PPP2R2B: variants seen among roughly 807,000 people sequenced by gnomAD.
The protein encoded by PPP2R2B is serine/threonine-protein phosphatase 2A 55 kDa regulatory subunit B beta isoform.
In PPP2R2B, 5 loss-of-function variants were observed where a neutral mutation model predicts 46.0. The observed-to-expected ratio is 0.11, with a 90% CI of 0.06 to 0.23. The LOEUF (loss-of-function observed/expected upper bound fraction) is 0.23, where lower values mean the gene tolerates loss of function less well. Among genes scored for constraint, PPP2R2B ranks in the 10% least tolerant of loss-of-function variants. The probability of loss-of-function intolerance (pLI) is 1.00; values close to 1 mark genes in which losing one functional copy is unlikely to be tolerated. For synonymous variants in PPP2R2B, 215 were observed against 206.7 expected, an observed-to-expected ratio of 1.04 and a Z score of -0.34; for missense variants, 367 against 575.0, an observed-to-expected ratio of 0.64 and a Z score of 3.70.
intron 9 of PPP2R2B, 40 bp downstream of exon 9, chr5:146,592,931 C>G (rs1770803165): frequency 6.4e-7 from 1 of 1,555,728 alleles, no homozygotes; most frequent in African/African-American, 1.4e-5. Flanking sequence ...CTCTTCAAGA[C>G]AATCTTTGGA....
intron 1 of PPP2R2B, among the ~76,000 whole-genome samples, chr5:146,938,219 C>T (rs777543263): frequency 6.6e-6 from 1 of 152,126 alleles, no homozygotes; most frequent in Non-Finnish European, 1.5e-5. Context: ...ACAATATAAA[C>T]TCACTATCTA....
intron 2 of PPP2R2B, among the ~76,000 whole-genome samples, chr5:146,771,267 C>T (rs1340186966): frequency 1.3e-5 from 2 of 152,164 alleles, no homozygotes; most frequent in Non-Finnish European, 2.9e-5. Flanking sequence ...CATCACTCAG[C>T]ACCAGCACAG....
At chr5:146,778,145 C>A (rs898405535) in intron 2 of PPP2R2B, among the ~76,000 whole-genome samples, 2 of 152,114 alleles carry the variant, frequency 1.3e-5, no homozygotes, top group African/African-American at 4.8e-5. Context: ...TGGGTTCCGG[C>A]ATTCCTGATA....
In PPP2R2B at chr5:146,667,328, GCGCGCACACACACACACA is replaced by G. The variant is rs1366000490; in HGVS notation, c.448-16622_448-16605del. Among the ~76,000 whole-genome samples the G allele has an allele frequency of 1.9e-3, 237 of 126,250 alleles. 2 individuals are homozygous for G. The South Asian group carries it at 0.02, about 11-fold the overall frequency. 82.8% of individuals were successfully genotyped at this position (126,250 alleles called of 152,430 possible). On this transcript the variant is annotated intron_variant, in intron 5 of 9. Coordinates refer to ENST00000394411, the MANE Select transcript of PPP2R2B (RefSeq NM_181675.4). ...GGAGAGACAGCAGGAATAGGCGTGC[GCGCGCACACACACACACA>G]CACACACACACACACACACACACAC...
chr5:146,914,042 A>G lies in PPP2R2B; in HGVS notation c.79+141623T>C, dbSNP rs532912230. Reference sequence around the variant, plus strand: ...GCAATATTAACTATGTATATATGAAATCACAACAACTATAAATATTTAATT... The same window carrying G: ...GCAATATTAACTATGTATATATGAAGTCACAACAACTATAAATATTTAATT... On this transcript the variant is annotated intron_variant, in intron 1 of 8. Transcript: ENST00000336640. Among the ~76,000 whole-genome samples the G allele has an allele frequency of 2.0e-5, 3 of 152,324 alleles. No individual in the cohort carries two copies. The South Asian group carries it at 6.2e-4, about 32-fold the overall frequency.
chr5:146,616,284 A>G (rs1244995988), intron 7 of PPP2R2B, among the ~76,000 whole-genome samples: 2 of 152,208 alleles, frequency 1.3e-5, no homozygotes, highest in East Asian at 3.8e-4. Context: ...TGAAACTACT[A>G]CAAGAAAACA....
chr5:147,025,287 C>T (rs1354969400), intron 1 of PPP2R2B, among the ~76,000 whole-genome samples: 1 of 151,816 alleles, frequency 6.6e-6, no homozygotes. Flanking sequence ...AATAAAAAAT[C>T]ATCCCCAAAA....
At chr5:146,851,701 G>C (rs1282453953) in intron 2 of PPP2R2B, among the ~76,000 whole-genome samples, 1 of 152,008 alleles carries the variant, frequency 6.6e-6, no homozygotes, top group African/African-American at 2.4e-5. Context: ...CTTTTCTAAG[G>C]AGTCACTATA....
chr5:146,656,571 A>C (rs1776344864), intron 5 of PPP2R2B: 1 of 152,032 alleles, frequency 6.6e-6, no homozygotes, highest in African/African-American at 2.4e-5. Flanking sequence ...CCACCATATT[A>C]ATGTGAACTT....
At chr5:146,651,816 C>A (rs947098816) in intron 5 of PPP2R2B, among the ~76,000 whole-genome samples, 2 of 152,134 alleles carry the variant, frequency 1.3e-5, no homozygotes, top group Admixed American at 6.5e-5. Flanking sequence ...ACCCAGGTGG[C>A]GAGGAGAAGA....
chr5:146,895,178 C>A (rs761793224), intron 1 of PPP2R2B, among the ~76,000 whole-genome samples: 15 of 152,176 alleles, frequency 9.9e-5, no homozygotes, highest in Non-Finnish European at 1.0e-4. Context: ...ACCTGAAAAG[C>A]CTTTGCATCT....
intron 2 of PPP2R2B, among the ~76,000 whole-genome samples, chr5:146,837,150 A>T (rs1279952841): frequency 1.3e-5 from 2 of 152,214 alleles, no homozygotes; most frequent in Non-Finnish European, 2.9e-5. Flanking sequence ...CATTCAGTAG[A>T]AAATGTACTT....
intron 7 of PPP2R2B, among the ~76,000 whole-genome samples, chr5:146,622,269 A>G (rs1773753430): frequency 6.6e-6 from 1 of 152,214 alleles, no homozygotes; most frequent in South Asian, 2.1e-4. Flanking sequence ...TTTTGATAAT[A>G]AAATACTAAA....
At chr5:146,877,959 T>C in intron 2 of PPP2R2B, 43 bp downstream of exon 2, 1 of 1,594,052 alleles carries the variant, frequency 6.3e-7, no homozygotes, top group South Asian at 1.1e-5. Flanking sequence ...ATCCGCAACT[T>C]GCGCCCGGCC....
upstream of PPP2R2B, among the ~76,000 whole-genome samples, chr5:147,057,889 C>T (rs550686230): frequency 8.5e-5 from 13 of 152,238 alleles, no homozygotes; most frequent in South Asian, 2.1e-4. Context: ...GAGTCTTAAA[C>T]GACACTGTTG....
chr5:146,962,570 T>C (rs1752220768), intron 1 of PPP2R2B, among the ~76,000 whole-genome samples: 1 of 151,844 alleles, frequency 6.6e-6, no homozygotes, highest in Admixed American at 6.6e-5. Context: ...GGCAGGAGAA[T>C]AGCTTGAACC....
intron 6 of PPP2R2B, among the ~76,000 whole-genome samples, chr5:146,643,088 C>T: frequency 6.6e-6 from 1 of 152,016 alleles, no homozygotes; most frequent in East Asian, 1.9e-4. Flanking sequence ...GGATACTTTC[C>T]ATACTTATGA....
intron 2 of PPP2R2B, among the ~76,000 whole-genome samples, chr5:146,769,340 G>A: frequency 6.6e-6 from 1 of 152,160 alleles, no homozygotes; most frequent in East Asian, 1.9e-4. Context: ...AGAAACTCTG[G>A]GGTGTGGCAA....
In PPP2R2B at chr5:146,878,342, C is replaced by T; in HGVS notation, c.-124-147G>A. The T allele has an allele frequency of 1.4e-6, 2 of 1,437,080 alleles. No homozygotes were observed. The highest frequency in any genetic ancestry group is 2.5e-5 in the East Asian group (1 of 39,942). The allele number at this position is 1,437,080 out of a possible 1,614,324, so 89.0% of individuals were successfully genotyped here. ...GCTCCAGTTCCCAGCGAGGATGCTG[C>T]GCCTGCCTCCGCTGCCTCCGGGTGC... is the stretch of plus-strand genomic sequence containing the variant. On this transcript the variant is annotated intron_variant, in intron 1 of 9. Coordinates refer to ENST00000394411, the MANE Select transcript of PPP2R2B (RefSeq NM_181675.4). The surrounding 1 kb of genome is among the most constrained non-coding windows in gnomAD (Gnocchi z 4.5).
Sources: allele counts gnomAD v4.1 joint callset (sites outside exome capture counted in the v4.1 genomes callset), GRCh38; gene constraint gnomAD v4.1.1; non-coding constraint Gnocchi (gnomAD v3.1); transcripts MANE v1.5; gene names NCBI Gene and HGNC (gene_info 2026-07-23, HGNC 2026-07-21).